The following TXK variants were observed in gnomAD, a reference collection of about 807,000 sequenced individuals.
TXK encodes tyrosine-protein kinase TXK.
A neutral mutation model predicts 81.0 loss-of-function variants in TXK; 60 were observed. The ratio of observed to expected loss-of-function variants is 0.74; its 90% CI spans 0.60 to 0.92. The LOEUF is 0.92. Among genes scored for constraint, TXK ranks in the 40% least tolerant of loss-of-function variants. The pLI, the probability that TXK is intolerant of heterozygous loss-of-function variation, is 0.00. For synonymous variants in TXK, 203 were observed against 210.7 expected (o/e 0.96, Z 0.32); for missense variants, 581 against 638.3 (o/e 0.91, Z 0.97).
intron 6 of TXK, among the ~76,000 whole-genome samples, chr4:48,103,929 G>A (rs1295933879): frequency 2.6e-5 from 4 of 151,880 alleles, no homozygotes; most frequent in Non-Finnish European, 5.9e-5. Context: ...CAGACTGGGC[G>A]TGGTGGCTCA....
chr4:48,098,557 A>T (rs1181109046), intron 6 of TXK, among the ~76,000 whole-genome samples: 4 of 151,396 alleles, frequency 2.6e-5, no homozygotes, highest in Admixed American at 2.0e-4. Context: ...ATCAATTTTT[A>T]AAAATTCTCA....
intron 5 of TXK, among the ~76,000 whole-genome samples, chr4:48,108,123 T>G (rs1386265371): frequency 1.3e-5 from 2 of 151,906 alleles, no homozygotes. Flanking sequence ...GGACTTAGGG[T>G]TGTTTAATGT....
At chr4:48,096,590 G>A (rs56146268) in intron 6 of TXK, among the ~76,000 whole-genome samples, 5,896 of 152,086 alleles carry the variant, frequency 0.039, 374 homozygotes, top group African/African-American at 0.13. Context: ...GCATGATCTC[G>A]GCTCACTGCA....
In TXK at chr4:48,067,571, G is replaced by A; in HGVS notation, c.*66C>T. The A allele has an allele frequency of 1.3e-6, 2 of 1,503,702 alleles. No individual in the cohort carries two copies. Among genetic ancestry groups the A allele is most frequent in the Non-Finnish European group, 1.9e-6 (2 of 1,079,258 alleles). The allele number at this position is 1,503,702 out of a possible 1,614,324, so 93.1% of individuals were successfully genotyped here. A position where few individuals can be genotyped will look rare whatever the true frequency, so the allele number is the denominator to read the frequency against. On this transcript the variant is annotated 3_prime_UTR_variant, in exon 15 of 15. Transcript: ENST00000264316. ...TATTCACCATAAGTGACCCCATATG[G>A]TGAAGATATTCACAATAAATGACAG...
intron 1 of TXK, among the ~76,000 whole-genome samples, chr4:48,127,089 T>G (rs887953981): frequency 1.6e-4 from 24 of 152,328 alleles, no homozygotes; most frequent in African/African-American, 5.8e-4. Flanking sequence ...TTAATTTCCC[T>G]CAAAGTCCAA....
chr4:48,108,199 G>A (rs535536888), intron 5 of TXK, among the ~76,000 whole-genome samples: 2 of 152,070 alleles, frequency 1.3e-5, no homozygotes, highest in African/African-American at 4.8e-5. Flanking sequence ...CTGGTACATC[G>A]TAAGTGTACA....
chr4:48,073,635 GCC>G (rs777024419), intron 13 of TXK, among the ~76,000 whole-genome samples: 1 of 152,118 alleles, frequency 6.6e-6, no homozygotes, highest in Admixed American at 6.5e-5. Context: ...TTTCCTTCAA[GCC>G]TCTGCGGAGT....
intron 12 of TXK, among the ~76,000 whole-genome samples, chr4:48,075,442 G>A (rs903831482): frequency 1.3e-5 from 2 of 152,090 alleles, no homozygotes; most frequent in African/African-American, 4.8e-5. Flanking sequence ...TTTGATGTCA[G>A]GAGTTCAAGA....
intron 10 of TXK, among the ~76,000 whole-genome samples, chr4:48,085,096 AATG>A (rs1239745890): frequency 4.6e-5 from 7 of 152,210 alleles, no homozygotes; most frequent in African/African-American, 1.7e-4. Flanking sequence ...ATATTTAAAG[AATG>A]TTAATTTGAA....
chr4:48,073,789 G>A lies in TXK; in HGVS notation c.1357+146C>T, dbSNP rs953031176. On this transcript the variant is annotated intron_variant, in intron 13 of 14. Transcript: ENST00000264316. ...GACACCAGTTGCCAAAGACAGTCGGGATGTGGTTAGAACACACAGAAGGAA... is the reference window on the plus strand; with the variant it reads ...GACACCAGTTGCCAAAGACAGTCGGAATGTGGTTAGAACACACAGAAGGAA... 7.1e-6 allele frequency: 4 copies of A among 562,966 alleles called. No individual in the cohort carries two copies. In the Admixed American group the frequency reaches 9.7e-5, roughly 14 times the overall value. 34.9% of individuals were successfully genotyped at this position (562,966 alleles called of 1,614,324 possible).
chr4:48,086,620 G>T lies in TXK; in HGVS notation c.802C>A (p.Pro268Thr), dbSNP rs770971170. Residue 268 changes from proline (P) to threonine (T), a missense_variant, in exon 10 of 15, where the codon CCA becomes ACA. Transcript: ENST00000264316. ...TCCTTTATAAAAGCCAACTCAGATG[G>T]ATCTATCTCCCACTTTTCTGAAAAA... ...GFSYEKWEIDPSELAFIKEIG... is the reference protein window; with the variant it reads ...GFSYEKWEIDTSELAFIKEIG... 66 of 1,613,772 alleles carry T rather than the reference G, an allele frequency of 4.1e-5. No individual in the cohort carries two copies. Among genetic ancestry groups the T allele is most frequent in the Middle Eastern group, 1.7e-4 (1 of 6,060 alleles).
At chr4:48,098,568 A>G (rs954066945) in intron 6 of TXK, among the ~76,000 whole-genome samples, 7 of 151,368 alleles carry the variant, frequency 4.6e-5, no homozygotes, top group African/African-American at 7.4e-5. Flanking sequence ...AAAATTCTCA[A>G]TAAAATAGGA....
intron 6 of TXK, among the ~76,000 whole-genome samples, chr4:48,099,792 A>G (rs1718117500): frequency 6.6e-6 from 1 of 152,214 alleles, no homozygotes; most frequent in Non-Finnish European, 1.5e-5. Context: ...AAATCAGTGC[A>G]GAAAGGTGGA....
At chr4:48,110,159 T>A (rs1718588363) in intron 5 of TXK, among the ~76,000 whole-genome samples, 1 of 152,232 alleles carries the variant, frequency 6.6e-6, no homozygotes, top group East Asian at 1.9e-4. Context: ...CGTCAGCTAT[T>A]TCTAAAACAT....
At chr4:48,133,366 T>G (rs1313803036) in intron 1 of TXK, among the ~76,000 whole-genome samples, 1 of 152,206 alleles carries the variant, frequency 6.6e-6, no homozygotes, top group Non-Finnish European at 1.5e-5. Context: ...ATGATGGTCT[T>G]ATATTCTATA....
rs754595017 is a variant in TXK at position 48,112,378 on chromosome 4, T to C, written c.309A>G (p.Leu103=). The change falls in exon 4 of 15, where the codon TTA becomes TTG. Residue 103 remains leucine, a synonymous_variant. Transcript: ENST00000264316. ...FLPREPCNLA[L]RRAEEYLILE... is the part of the protein sequence containing the mutation. ...GTATCAGGTATTCTTCTGCTCTCCT[T>C]AAGGCTAAATTACAGGGTTCTCTGG... 6.2e-7 allele frequency: 1 copy of C among 1,614,182 alleles called. No individual in the cohort carries two copies. The highest frequency in any genetic ancestry group is 8.5e-7 in the Non-Finnish European group (1 of 1,180,030).
At chr4:48,075,341 C>T (rs1717024593) in intron 12 of TXK, among the ~76,000 whole-genome samples, 2 of 152,206 alleles carry the variant, frequency 1.3e-5, no homozygotes, top group Middle Eastern at 6.8e-3. Flanking sequence ...TGAGATCACA[C>T]CATGGAGTTT....
At chr4:48,119,774 G>T (rs778803815) in intron 1 of TXK, among the ~76,000 whole-genome samples, 1 of 152,180 alleles carries the variant, frequency 6.6e-6, no homozygotes, top group African/African-American at 2.4e-5. Flanking sequence ...TCTTCAAAGA[G>T]AGGGCACATT....
At chr4:48,096,296 G>T (rs779683900) in intron 6 of TXK, among the ~76,000 whole-genome samples, 5 of 152,110 alleles carry the variant, frequency 3.3e-5, no homozygotes, top group Non-Finnish European at 5.9e-5. Context: ...AGACAAAGAT[G>T]AAAAAGTAAA....
Sources: allele counts gnomAD v4.1 joint callset (sites outside exome capture counted in the v4.1 genomes callset), GRCh38; gene constraint gnomAD v4.1.1; transcripts MANE v1.5; gene names NCBI Gene and HGNC (gene_info 2026-07-23, HGNC 2026-07-21).